Variants in DLGAP1 observed in about 807,000 individuals in gnomAD.
DLGAP1 encodes disks large-associated protein 1.
DLGAP1 carries 11 observed loss-of-function variants against 90.8 expected under a neutral mutation model. The observed-to-expected ratio is 0.12, with a 90% confidence interval of 0.08 to 0.20. DLGAP1 has a LOEUF of 0.20. Among genes scored for constraint, DLGAP1 ranks in the 10% least tolerant of loss-of-function variants. The probability of loss-of-function intolerance (pLI) is 1.00; values close to 1 mark genes in which losing one functional copy is unlikely to be tolerated. For missense variants in DLGAP1, 1,050 were observed against 1,333.8 expected (o/e 0.79, Z 3.31); for synonymous variants, 558 against 540.7 (o/e 1.03, Z -0.44).
At chr18:3,731,713 T>C (rs2062438352) in intron 6 of DLGAP1, among the ~76,000 whole-genome samples, 1 of 152,104 alleles carries the variant, frequency 6.6e-6, no homozygotes, top group Admixed American at 6.6e-5. Flanking sequence ...CTGGCTAAAC[T>C]TATATTCTTA....
chr18:4,230,107 C>T (rs953715852), intron 1 of DLGAP1, among the ~76,000 whole-genome samples: 2 of 151,982 alleles, frequency 1.3e-5, no homozygotes, highest in East Asian at 1.9e-4. Flanking sequence ...GTTAAAATGG[C>T]TTTTATCTAA....
intron 1 of DLGAP1, among the ~76,000 whole-genome samples, chr18:4,296,325 C>T (rs1056184573): frequency 6.6e-5 from 10 of 152,234 alleles, no homozygotes; most frequent in African/African-American, 2.2e-4. Context: ...CACAGAAACA[C>T]ATACACACAC....
chr18:3,757,313 T>A (rs117518717), intron 5 of DLGAP1, among the ~76,000 whole-genome samples: 11 of 151,986 alleles, frequency 7.2e-5, no homozygotes, highest in Admixed American at 5.2e-4. Flanking sequence ...GAGGCTTGAG[T>A]CAGGAGAATC....
chr18:4,367,322 T>G (rs2081798302), intron 1 of DLGAP1, among the ~76,000 whole-genome samples: 2 of 152,070 alleles, frequency 1.3e-5, no homozygotes, highest in Admixed American at 1.3e-4. Context: ...TTAGTTTGAT[T>G]TGATTCATTA....
At chr18:3,609,823 C>T (rs78279387) in intron 7 of DLGAP1, among the ~76,000 whole-genome samples, 8 of 151,332 alleles carry the variant, frequency 5.3e-5, no homozygotes, top group South Asian at 2.1e-4. Context: ...TTTGGGAGGC[C>T]GAGGTGGGTG....
At chr18:3,745,033 G>C (rs1235641696) in intron 5 of DLGAP1, among the ~76,000 whole-genome samples, 2 of 152,168 alleles carry the variant, frequency 1.3e-5, no homozygotes, top group Non-Finnish European at 2.9e-5. Context: ...CTATAATATA[G>C]ATGAACTTTG....
At chr18:3,724,065 C>T (rs2062071111) in intron 7 of DLGAP1, among the ~76,000 whole-genome samples, 1 of 152,168 alleles carries the variant, frequency 6.6e-6, no homozygotes, top group Non-Finnish European at 1.5e-5. Flanking sequence ...TGGCTCACAC[C>T]TGTAATCCTA....
At chr18:3,730,029 T>C (rs1286110557) in intron 6 of DLGAP1, among the ~76,000 whole-genome samples, 2 of 152,244 alleles carry the variant, frequency 1.3e-5, no homozygotes, top group African/African-American at 4.8e-5. Context: ...AACTCAGATA[T>C]GTCAAAATCT....
intron 7 of DLGAP1, among the ~76,000 whole-genome samples, chr18:3,670,596 T>C (rs1290678908): frequency 1.4e-5 from 2 of 148,048 alleles, no homozygotes; most frequent in Non-Finnish European, 2.9e-5. Context: ...TTTGGAAGAA[T>C]GGTGATTATT....
chr18:4,143,211 A>G (rs2076524912), intron 2 of DLGAP1, among the ~76,000 whole-genome samples: 1 of 152,096 alleles, frequency 6.6e-6, no homozygotes, highest in Non-Finnish European at 1.5e-5. Context: ...CAGGATGGCA[A>G]GTTCCCCTTT....
At chr18:4,033,128 G>GC (rs2074825611) in intron 2 of DLGAP1, among the ~76,000 whole-genome samples, 2 of 151,888 alleles carry the variant, frequency 1.3e-5, no homozygotes, top group Non-Finnish European at 1.5e-5. Context: ...CCTAGTTTCT[G>GC]CCCTAATCAT....
chr18:3,685,562 T>TAAA (rs2060670853), intron 7 of DLGAP1, among the ~76,000 whole-genome samples: 1 of 29,302 alleles, frequency 3.4e-5, no homozygotes, highest in Non-Finnish European at 5.2e-5. Flanking sequence ...AGATTCCGTC[T>TAAA]CAAAAAAAAA....
intron 3 of DLGAP1, among the ~76,000 whole-genome samples, chr18:3,903,971 T>A (rs1411408470): frequency 6.6e-6 from 1 of 152,178 alleles, no homozygotes; most frequent in African/African-American, 2.4e-5. Context: ...TTTTGCATGA[T>A]CTCCTAGAGA....
chr18:3,859,770 T>C (rs2069908498), intron 4 of DLGAP1, among the ~76,000 whole-genome samples: 1 of 152,082 alleles, frequency 6.6e-6, no homozygotes, highest in South Asian at 2.1e-4. Flanking sequence ...TTGAGACCCA[T>C]TGTGGACTTG....
chr18:4,142,585 G>T (rs937285823), intron 2 of DLGAP1, among the ~76,000 whole-genome samples: 2 of 152,108 alleles, frequency 1.3e-5, no homozygotes, highest in Non-Finnish European at 2.9e-5. Context: ...GAAGTTTCTA[G>T]CTTCTAAATT....
chr18:4,068,651 A>G (rs2075403986), intron 2 of DLGAP1, among the ~76,000 whole-genome samples: 1 of 152,216 alleles, frequency 6.6e-6, no homozygotes, highest in African/African-American at 2.4e-5. Context: ...TGTAATACCT[A>G]ATAAATAATA....
At chr18:3,866,739 G>A (rs560784730) in intron 4 of DLGAP1, among the ~76,000 whole-genome samples, 50 of 152,318 alleles carry the variant, frequency 3.3e-4, no homozygotes, top group South Asian at 1.0e-3. Context: ...TAGACAGGGC[G>A]TAGGCCACAG....
intron 1 of DLGAP1, among the ~76,000 whole-genome samples, chr18:4,398,983 CACT>C (rs2144508572): frequency 6.6e-6 from 1 of 152,278 alleles, no homozygotes; most frequent in Non-Finnish European, 1.5e-5. Context: ...AAGCGCGCAC[CACT>C]ACGCCTGGTT....
At chr18:3,560,262 T>C (rs1427576507) in intron 9 of DLGAP1, among the ~76,000 whole-genome samples, 2 of 151,506 alleles carry the variant, frequency 1.3e-5, no homozygotes, top group Non-Finnish European at 2.9e-5. Context: ...CTACTAAAAT[T>C]ACAAAAATTA....
Sources: allele counts gnomAD v4.1 joint callset (sites outside exome capture counted in the v4.1 genomes callset), GRCh38; gene constraint gnomAD v4.1.1; transcripts MANE v1.5; gene names NCBI Gene and HGNC (gene_info 2026-07-23, HGNC 2026-07-21).